PSG9: variants seen among roughly 807,000 people sequenced by gnomAD.
PSG9 encodes pregnancy-specific beta-1-glycoprotein 9.
A neutral mutation model predicts 41.9 loss-of-function variants in PSG9; 49 were observed. The ratio of observed to expected loss-of-function variants is 1.17; its 90% CI spans 0.93 to 1.48. The LOEUF (loss-of-function observed/expected upper bound fraction) is 1.48, where lower values mean the gene tolerates loss of function less well. PSG9 is among the 40% of genes most tolerant of loss of function. The pLI, the probability that PSG9 is intolerant of heterozygous loss-of-function variation, is 0.00. For missense variants in PSG9, 641 were observed against 520.3 expected (o/e 1.23, Z -2.26); for synonymous variants, 263 against 196.8 (o/e 1.34, Z -2.82).
chr19:43,260,604 T>A (rs1968665475), intron 3 of PSG9: 1 of 146,710 alleles, frequency 6.8e-6, no homozygotes, highest in Admixed American at 6.8e-5. Context: ...TGAGAAAGGC[T>A]GATTGCTATT....
chr19:43,266,781 G>A (rs988748656), intron 2 of PSG9, among the ~76,000 whole-genome samples: 1 of 152,104 alleles, frequency 6.6e-6, no homozygotes, highest in African/African-American at 2.4e-5. Context: ...GAGAGGATAG[G>A]CCTGTGGCTG....
At chr19:43,257,635 G>T in intron 5 of PSG9, 1 of 1,013,152 alleles carries the variant, frequency 9.9e-7, no homozygotes, top group South Asian at 4.7e-5. Flanking sequence ...CCAAATTCAG[G>T]ACAGGCCACC....
Position 43,258,336 on chromosome 19 carries a change from C to T in PSG9, c.1109G>A (p.Gly370Glu), listed in dbSNP as rs1968536224. The T allele has an allele frequency of 1.3e-6, 2 of 1,592,684 alleles. No individual in the cohort carries two copies. Among genetic ancestry groups the T allele is most frequent in the Non-Finnish European group, 1.7e-6 (2 of 1,174,560 alleles). Residue 370 changes from glycine (G) to glutamate (E), a missense_variant, in exon 5 of 6, where the codon GGG becomes GAG. Transcript: ENST00000270077. ...PPAEYFWTIN[G>E]KFQQSGQKLF... is the part of the protein sequence containing the mutation. Reference sequence around the variant, plus strand: ...CTTTTGTCCTGATTGCTGAAACTTCCCATTAATTGTCCAAAAATACTCTGC... The same window carrying T: ...CTTTTGTCCTGATTGCTGAAACTTCTCATTAATTGTCCAAAAATACTCTGC...
chr19:43,267,026 A>G (rs988779548), intron 2 of PSG9, among the ~76,000 whole-genome samples: 4 of 152,178 alleles, frequency 2.6e-5, no homozygotes, highest in Non-Finnish European at 5.9e-5. Flanking sequence ...TGCTTCCATG[A>G]GAAAGCACCT....
At chr19:43,268,560 G>A (rs992699572) in intron 1 of PSG9, among the ~76,000 whole-genome samples, 1 of 152,080 alleles carries the variant, frequency 6.6e-6, no homozygotes, top group African/African-American at 2.4e-5. Context: ...CTCCCTCCAG[G>A]GTTCTTGTCA....
chr19:43,267,972 G>C lies in PSG9; in HGVS notation c.242C>G (p.Ser81Trp). Reference protein sequence around the residue: ...EMTDLYHYIISYIVDGKIIIY... With the variant: ...EMTDLYHYIIWYIVDGKIIIY... The stretch of plus-strand genomic sequence containing the variant: ...AATTATTTTACCATCAACTATATAC[G>C]ATATAATGTAATGGTAGAGGTCCGT... The change falls in exon 2 of 6, where the codon TCG becomes TGG. Residue 81 changes from serine to tryptophan, a missense_variant. Ser to Trp is a radical substitution (Grantham distance 177). Coordinates refer to ENST00000270077, the MANE Select transcript of PSG9 (RefSeq NM_002784.5). 6.2e-7 allele frequency: 1 copy of C among 1,613,562 alleles called. No individual in the cohort carries two copies. The highest frequency in any genetic ancestry group is 8.5e-7 in the Non-Finnish European group (1 of 1,179,694).
In PSG9 at chr19:43,267,893, C is replaced by T; in HGVS notation, c.321G>A (p.Leu107=). 1.2e-6 allele frequency: 2 copies of T among 1,613,818 alleles called. No individual in the cohort carries two copies. The highest frequency in any genetic ancestry group is 1.7e-6 in the Non-Finnish European group (2 of 1,179,788). The change falls in exon 2 of 6, where the codon CTG becomes CTA. Residue 107 remains leucine (L), a synonymous_variant. Transcript: ENST00000270077. Reference sequence around the variant, plus strand: ...CCTTCCGGGTGACATTCTGGATCAGCAGGGATGCGTTGGAATATACTGTTT... The same window carrying T: ...CCTTCCGGGTGACATTCTGGATCAGTAGGGATGCGTTGGAATATACTGTTT... ...GRETVYSNAS[L]LIQNVTRKDA... is the part of the protein sequence containing the mutation.
chr19:43,269,338 CT>C (rs774335680), intron 1 of PSG9, 29 bp downstream of exon 1: 14 of 1,613,210 alleles, frequency 8.7e-6, no homozygotes, highest in East Asian at 6.7e-5. Context: ...CTTCCTCCCC[CT>C]GTCCTCTCCC....
chr19:43,265,901 G>T (rs1392455336), intron 2 of PSG9, among the ~76,000 whole-genome samples: 1 of 152,130 alleles, frequency 6.6e-6, no homozygotes, highest in Non-Finnish European at 1.5e-5. Context: ...CCAGGCAGGA[G>T]TGGCAACTCC....
chr19:43,267,895 G>A lies in PSG9; in HGVS notation c.319C>T (p.Leu107=). The A allele has an allele frequency of 6.2e-7, 1 of 1,613,824 alleles. No individual in the cohort carries two copies. The highest frequency in any genetic ancestry group is 8.5e-7 in the Non-Finnish European group (1 of 1,179,772). Reference sequence around the variant, plus strand: ...TTCCGGGTGACATTCTGGATCAGCAGGGATGCGTTGGAATATACTGTTTCT... The same window carrying A: ...TTCCGGGTGACATTCTGGATCAGCAAGGATGCGTTGGAATATACTGTTTCT... ...GRETVYSNAS[L]LIQNVTRKDA... Residue 107 remains leucine, a synonymous_variant, in exon 2 of 6, where the codon CTG becomes TTG. Coordinates refer to ENST00000270077, the MANE Select transcript of PSG9 (RefSeq NM_002784.5).
chr19:43,254,504 G>A (rs1303610177), intron 5 of PSG9, among the ~76,000 whole-genome samples: 1 of 146,104 alleles, frequency 6.8e-6, no homozygotes, highest in Admixed American at 6.8e-5. Flanking sequence ...TGAGTCTTGT[G>A]CAAGAAATTT....
In PSG9 at chr19:43,267,834, C is replaced by T. The variant is rs528028372; in HGVS notation, c.380G>A (p.Arg127Gln). 75 of 1,613,510 alleles carry T rather than the reference C, an allele frequency of 4.6e-5. No homozygotes were observed. The highest frequency in any genetic ancestry group is 2.2e-4 in the Admixed American group (13 of 59,986). Residue 127 changes from arginine to glutamine, a missense_variant, in exon 2 of 6, where the codon CGA (arginine) becomes CAA (glutamine). By Grantham distance (43) the Arg-to-Gln change is conservative (BLOSUM62 1). Coordinates refer to ENST00000270077, the MANE Select transcript of PSG9 (RefSeq NM_002784.5). ...AATTTCTTCTCTAGTCTCATCACCT[C>T]GCTTTATGATGTGTAAGGTGTAGGT... Reference protein sequence around the residue: ...AGTYTLHIIKRGDETREEIRH... With the variant: ...AGTYTLHIIKQGDETREEIRH...
At position 43,262,043 on chromosome 19, in the gene PSG9, C is replaced by T. The variant is rs763005161; in HGVS notation, c.526G>A (p.Ala176Thr). The T allele has an allele frequency of 1.6e-5, 26 of 1,613,858 alleles. No homozygotes were observed. Among genetic ancestry groups the T allele is most frequent in the Admixed American group, 5.0e-5 (3 of 60,004 alleles). ...RLICDPETLDASYLWWMNGQS... is the reference protein window; with the variant it reads ...RLICDPETLDTSYLWWMNGQS... ...CCATTCATCCACCATAGGTAGCTTG[C>T]GTCCAGAGTCTCAGGATCACAGATT... Residue 176 changes from alanine (A) to threonine (T), a missense_variant, in exon 3 of 6, where the codon GCA (alanine) becomes ACA (threonine). Ala to Thr is a moderately conservative substitution (Grantham distance 58). Transcript: ENST00000270077.
At chr19:43,267,049 C>T (rs1257143245) in intron 2 of PSG9, among the ~76,000 whole-genome samples, 1 of 152,128 alleles carries the variant, frequency 6.6e-6, no homozygotes, top group Non-Finnish European at 1.5e-5. Context: ...TGTCAGATCC[C>T]TGTGGACAAG....
chr19:43,268,374 C>A (rs1028379069), intron 1 of PSG9, among the ~76,000 whole-genome samples: 1 of 152,120 alleles, frequency 6.6e-6, no homozygotes, highest in African/African-American at 2.4e-5. Context: ...GACCCCCATT[C>A]CTTCAACACT....
rs951609131 is a variant in PSG9 at position 43,255,555 on chromosome 19, A to G, written c.1244-1909T>C. Among the ~76,000 whole-genome samples the G allele has an allele frequency of 6.8e-5, 10 of 146,742 alleles. 2 individuals carry two copies. Among genetic ancestry groups the G allele is most frequent in the Admixed American group, 6.1e-4 (9 of 14,744 alleles). ...AAAAAAGACATTCAAATTGGAAGGA[A>G]GGAGTAAAATTATTTCTGTTTATAG... On this transcript the variant is annotated intron_variant, in intron 5 of 5. Transcript: ENST00000270077.
Position 43,261,859 on chromosome 19 carries a change from C to G in PSG9, c.709+1G>C, listed in dbSNP as rs182343176. 67 of 1,614,026 alleles carry G rather than the reference C, an allele frequency of 4.2e-5. 2 individuals carry two copies. The Middle Eastern group carries it at 1.3e-3, about 32-fold the overall frequency. ...CTCACAGAGGAACAGAAGATACTCA[C>G]GGAGGAGATTCAGGGTGACTGGGTC... On this transcript the variant is annotated splice_donor_variant, in intron 3 of 5. Coordinates refer to ENST00000270077, the MANE Select transcript of PSG9 (RefSeq NM_002784.5). LOFTEE classifies it high-confidence loss of function.
chr19:43,262,624 G>A (rs1406578642), intron 2 of PSG9, among the ~76,000 whole-genome samples: 1 of 152,154 alleles, frequency 6.6e-6, no homozygotes, highest in Non-Finnish European at 1.5e-5. Flanking sequence ...GTATTGGAAA[G>A]CCTGGTCTGG....
chr19:43,268,527 C>G (rs1431712160), intron 1 of PSG9, among the ~76,000 whole-genome samples: 1 of 152,144 alleles, frequency 6.6e-6, no homozygotes, highest in African/African-American at 2.4e-5. Flanking sequence ...TGGGTCTTCC[C>G]TTTCTGACCT....
Sources: gnomAD v4.1 joint callset for allele counts (sites outside exome capture counted in the v4.1 genomes callset) on GRCh38, gnomAD v4.1.1 for gene constraint, MANE v1.5 for transcripts, NCBI Gene and HGNC (gene_info 2026-07-23, HGNC 2026-07-21) for gene names.